ADI1: variants seen among roughly 807,000 people sequenced by gnomAD.
ADI1 encodes the protein acireductone dioxygenase 1, also known as acireductone dioxygenase.
In ADI1, 21 loss-of-function variants were observed where a neutral mutation model predicts 18.7. That is an observed-to-expected ratio of 1.13 (90% CI 0.80 to 1.62). The LOEUF is 1.62. ADI1 is among the 40% of genes most tolerant of loss of function. The pLI, the probability that ADI1 is intolerant of heterozygous loss-of-function variation, is 0.00. For missense variants in ADI1, 245 were observed against 254.9 expected (o/e 0.96, Z 0.26); for synonymous variants, 90 against 100.1 (o/e 0.90, Z 0.60).
Position 3,500,844 on chromosome 2 carries a change from C to A in ADI1, c.390G>T (p.Gly130=), listed in dbSNP as rs149600945. 1,969 of 1,614,222 alleles carry A rather than the reference C, an allele frequency of 1.2e-3. 4 individuals are homozygous for A. Among genetic ancestry groups the A allele is most frequent in the Middle Eastern group, 5.8e-3 (35 of 6,062 alleles). ...CGTCCACCGTGAAGCGGTGATAGATCCCCGCGGGGAGCGTCACCATGTCTC... is the reference window on the plus strand; with the variant it reads ...CGTCCACCGTGAAGCGGTGATAGATACCCGCGGGGAGCGTCACCATGTCTC... The part of the protein sequence containing the change: ...EKGDMVTLPA[G]IYHRFTVDEK... Residue 130 remains glycine, a synonymous_variant, in exon 3 of 4, where the codon GGG becomes GGT. Transcript: ENST00000327435.
intron 1 of ADI1, among the ~76,000 whole-genome samples, chr2:3,518,786 C>T (rs961325691): frequency 3.3e-5 from 5 of 152,226 alleles, no homozygotes; most frequent in African/African-American, 1.2e-4. Context: ...GCAGGCAGGG[C>T]GTCGGACAAG....
At position 3,503,533 on chromosome 2, in the gene ADI1, A is replaced by G. The variant is rs539042361; in HGVS notation, c.241-2540T>C. On this transcript the variant is annotated intron_variant, in intron 2 of 3. Coordinates refer to ENST00000327435, the MANE Select transcript of ADI1 (RefSeq NM_018269.4). ...TACATTCACACACTCACATGCACACATACACACGTACACACTCACACACGT... is the reference window on the plus strand; with the variant it reads ...TACATTCACACACTCACATGCACACGTACACACGTACACACTCACACACGT... Among the ~76,000 whole-genome samples the G allele has an allele frequency of 2.1e-4, 25 of 118,160 alleles. 4 individuals are homozygous for G. Among genetic ancestry groups the G allele is most frequent in the African/African-American group, 3.2e-4 (6 of 18,994 alleles). The allele number at this position is 118,160 out of a possible 152,430, so 77.5% of individuals were successfully genotyped here.
At chr2:3,514,081 TTTG>T (rs1257278033) in intron 1 of ADI1, 105 bp from the exon 2 acceptor site, 8 of 1,375,392 alleles carry the variant, frequency 5.8e-6, no homozygotes, top group Admixed American at 5.5e-5. Flanking sequence ...AAATTTATCA[TTTG>T]TTATTTTTTC....
chr2:3,505,900 A>G (rs9751320), intron 2 of ADI1, among the ~76,000 whole-genome samples: 28,754 of 152,206 alleles, frequency 0.19, 2,818 homozygotes, highest in East Asian at 0.23. Context: ...CCCACCCACC[A>G]TGTGAAAACA....
chr2:3,518,413 C>T (rs1456167792), intron 1 of ADI1, among the ~76,000 whole-genome samples: 1 of 152,190 alleles, frequency 6.6e-6, no homozygotes. Context: ...CTACCCTGGC[C>T]CTCTCTTTTG....
rs549461875 is a variant in ADI1, at chr2:3,508,980, G to A, written c.240+4877C>T. Among the ~76,000 whole-genome samples the A allele has an allele frequency of 7.9e-5, 11 of 138,938 alleles. 1 individual carries two copies. The highest frequency in any genetic ancestry group is 2.7e-4 in the African/African-American group (10 of 37,020). 91.1% of individuals were successfully genotyped at this position (138,938 alleles called of 152,430 possible). A position where few individuals can be genotyped will look rare whatever the true frequency, so the allele number is the denominator to read the frequency against. ...GAGGGGAGGAGAGGAGGGGAGAGAG[G>A]GCGGAAGGAAGGAAAGAAGGAAGGA... is the stretch of plus-strand genomic sequence containing the variant. On this transcript the variant is annotated intron_variant, in intron 2 of 3. Transcript: ENST00000327435.
chr2:3,497,620 C>T lies in ADI1; in HGVS notation c.*1343G>A, dbSNP rs549506338. On this transcript the variant is annotated 3_prime_UTR_variant, in exon 4 of 4. Coordinates refer to ENST00000327435, the MANE Select transcript of ADI1 (RefSeq NM_018269.4). ...GCTCTAAGAATCCTCCCACCTTAGC[C>T]TCCTGAGTAGCTGAGATTACAGGCA... The T allele has an allele frequency of 6.6e-6, 1 of 152,212 alleles. No homozygotes were observed. Among genetic ancestry groups the T allele is most frequent in the Non-Finnish European group, 1.5e-5 (1 of 68,088 alleles). 9.4% of individuals were successfully genotyped at this position (152,212 alleles called of 1,614,324 possible).
At chr2:3,512,253 G>GA (rs199696045) in intron 2 of ADI1, among the ~76,000 whole-genome samples, 1,718 of 152,338 alleles carry the variant, frequency 0.011, 32 homozygotes, top group African/African-American at 0.039. Flanking sequence ...AGACAATGGG[G>GA]AAAAAACCTC....
chr2:3,497,812 C>G lies in ADI1; in HGVS notation c.*1151G>C, dbSNP rs1666900741. On this transcript the variant is annotated 3_prime_UTR_variant, in exon 4 of 4. Transcript: ENST00000327435. The stretch of plus-strand genomic sequence containing the variant: ...CCTGACAGGGAAAAGTTATATGAAG[C>G]AAGAAAGGCAATTTAAAGCGATAGT... 1 of 152,134 alleles carries G rather than the reference C, an allele frequency of 6.6e-6. No homozygotes were observed. Among genetic ancestry groups the G allele is most frequent in the South Asian group, 2.1e-4 (1 of 4,822 alleles). The allele number at this position is 152,134 out of a possible 1,614,324, so 9.4% of individuals were successfully genotyped here.
intron 1 of ADI1, chr2:3,516,925 GT>G (rs1040506993): frequency 8.1e-6 from 8 of 984,894 alleles, no homozygotes; most frequent in Non-Finnish European, 6.0e-6. Context: ...TGTTTTTTGG[GT>G]TTTTTTAGAG....
chr2:3,510,143 C>CAAAA, intron 2 of ADI1, among the ~76,000 whole-genome samples: 1 of 66,616 alleles, frequency 1.5e-5, no homozygotes, highest in Non-Finnish European at 3.1e-5. Flanking sequence ...AACTCTGTCT[C>CAAAA]AAAAAAAAAA....
rs558090409 is a variant in ADI1 at position 3,498,263 on chromosome 2, C to T, written c.*700G>A. 1.3e-5 allele frequency: 2 copies of T among 152,288 alleles called. No homozygotes were observed. The highest frequency in any genetic ancestry group is 1.9e-4 in the East Asian group (1 of 5,194). 9.4% of individuals were successfully genotyped at this position (152,288 alleles called of 1,614,324 possible). A position where few individuals can be genotyped will look rare whatever the true frequency, so the allele number is the denominator to read the frequency against. ...AGTAGAAAATTTATGTACTAATACT[C>T]CTGTTAAAATTCAACAGCTTTATTG... On this transcript the variant is annotated 3_prime_UTR_variant, in exon 4 of 4. Coordinates refer to ENST00000327435, the MANE Select transcript of ADI1 (RefSeq NM_018269.4).
intron 2 of ADI1, among the ~76,000 whole-genome samples, chr2:3,501,492 G>C (rs976339436): frequency 2.0e-5 from 3 of 152,154 alleles, no homozygotes; most frequent in African/African-American, 4.8e-5. Context: ...CAGGGAGGCA[G>C]GCACAGACTC....
chr2:3,505,179 C>T (rs552775041), intron 2 of ADI1, among the ~76,000 whole-genome samples: 27 of 152,346 alleles, frequency 1.8e-4, no homozygotes, highest in African/African-American at 5.8e-4. Flanking sequence ...AGCTTAGAAG[C>T]CACCACTCCA....
intron 2 of ADI1, among the ~76,000 whole-genome samples, chr2:3,508,332 C>A (rs1216799473): frequency 2.4e-5 from 1 of 42,452 alleles, no homozygotes; most frequent in Non-Finnish European, 4.0e-5. Context: ...GAGACTCTGT[C>A]TCAAAAAAAA....
rs373920534 is a variant in ADI1, at chr2:3,508,398, C to T, written c.240+5459G>A. 4.1e-5 allele frequency among the ~76,000 whole-genome samples: 6 copies of T among 144,978 alleles called. No individual in the cohort carries two copies. In the East Asian group the frequency reaches 1.2e-3, roughly 30 times the overall value. On this transcript the variant is annotated intron_variant, in intron 2 of 3. Coordinates refer to ENST00000327435, the MANE Select transcript of ADI1 (RefSeq NM_018269.4). ...ACAAGCACAACAAATAGAAAACAGT[C>T]CCAAATATGGTAGACATTAATTCAA... is the stretch of plus-strand genomic sequence containing the variant.
At chr2:3,508,497 A>T (rs953571237) in intron 2 of ADI1, among the ~76,000 whole-genome samples, 36 of 152,160 alleles carry the variant, frequency 2.4e-4, no homozygotes, top group East Asian at 3.8e-4. Flanking sequence ...GAAATGGATT[A>T]AAAAAACTAA....
intron 2 of ADI1, among the ~76,000 whole-genome samples, chr2:3,506,846 T>C (rs978601743): frequency 8.5e-5 from 13 of 152,180 alleles, no homozygotes; most frequent in African/African-American, 3.1e-4. Context: ...AGTAGAAAAA[T>C]AGATCAACTG....
chr2:3,500,783 C>T (rs746885305), intron 3 of ADI1, 31 bp downstream of exon 3: 32 of 1,612,476 alleles, frequency 2.0e-5, no homozygotes, highest in Non-Finnish European at 2.3e-5. Flanking sequence ...CCACACAGGC[C>T]GGGCCTGGGG....
Sources: gnomAD v4.1 joint callset for allele counts (sites outside exome capture counted in the v4.1 genomes callset) on GRCh38, gnomAD v4.1.1 for gene constraint, MANE v1.5 for transcripts, NCBI Gene and HGNC (gene_info 2026-07-23, HGNC 2026-07-21) for gene names.